Variants in CNTN5 observed in about 807,000 individuals in gnomAD.
CNTN5 encodes the protein contactin 5, also known as contactin-5.
A neutral mutation model predicts 129.1 loss-of-function variants in CNTN5; 77 were observed. The ratio of observed to expected loss-of-function variants is 0.60; its 90% CI spans 0.50 to 0.72. CNTN5 has a LOEUF of 0.72. Among genes scored for constraint, CNTN5 ranks in the 30% least tolerant of loss-of-function variants. The probability of loss-of-function intolerance (pLI) is 0.00; values close to 1 mark genes in which losing one functional copy is unlikely to be tolerated. For missense variants in CNTN5, 1,478 were observed against 1,328.8 expected (o/e 1.11, Z -1.75); for synonymous variants, 509 against 465.6 (o/e 1.09, Z -1.20).
intron 1 of CNTN5, among the ~76,000 whole-genome samples, chr11:99,100,835 C>T (rs1866696360): frequency 2.0e-5 from 3 of 151,906 alleles, no homozygotes; most frequent in Non-Finnish European, 4.4e-5. Context: ...AAATAAAATG[C>T]ACTTGGAGAT....
chr11:100,206,106 G>C (rs1342567987), intron 15 of CNTN5, among the ~76,000 whole-genome samples: 1 of 152,064 alleles, frequency 6.6e-6, no homozygotes, highest in African/African-American at 2.4e-5. Context: ...AAGGAAGTAT[G>C]TTCAGGAAGC....
chr11:99,158,803 A>G (rs1408243120), intron 1 of CNTN5, among the ~76,000 whole-genome samples: 2 of 152,188 alleles, frequency 1.3e-5, no homozygotes, highest in African/African-American at 2.4e-5. Context: ...TAATAATTAT[A>G]TCAAAGAAGC....
chr11:99,772,612 A>T (rs1188312970), intron 3 of CNTN5, among the ~76,000 whole-genome samples: 1 of 152,120 alleles, frequency 6.6e-6, no homozygotes, highest in Non-Finnish European at 1.5e-5. Flanking sequence ...GATTCTAACC[A>T]AATCTCAAGA....
At chr11:99,043,361 C>T (rs1255480336) in intron 1 of CNTN5, among the ~76,000 whole-genome samples, 1 of 145,864 alleles carries the variant, frequency 6.9e-6, no homozygotes. Flanking sequence ...GTGCAGCGCA[C>T]CAGCATGGCA....
chr11:99,362,688 T>A (rs1444328548), intron 2 of CNTN5, among the ~76,000 whole-genome samples: 2 of 151,558 alleles, frequency 1.3e-5, no homozygotes, highest in Non-Finnish European at 3.0e-5. Flanking sequence ...CATTTTTAGT[T>A]AATTTTTGCA....
At chr11:99,098,444 A>T (rs1212748782) in intron 1 of CNTN5, among the ~76,000 whole-genome samples, 1 of 151,986 alleles carries the variant, frequency 6.6e-6, no homozygotes, top group Non-Finnish European at 1.5e-5. Context: ...ATAGACCACA[A>T]CACTAGTGGC....
intron 16 of CNTN5, among the ~76,000 whole-genome samples, chr11:100,238,840 A>C (rs552279512): frequency 6.6e-6 from 1 of 152,208 alleles, no homozygotes; most frequent in Non-Finnish European, 1.5e-5. Context: ...ATTGACAGAA[A>C]TATCCAATAA....
intron 8 of CNTN5, among the ~76,000 whole-genome samples, chr11:99,972,270 GTAAA>G (rs910722084): frequency 6.6e-6 from 1 of 151,640 alleles, no homozygotes; most frequent in African/African-American, 2.4e-5. Flanking sequence ...CAAAAAATAA[GTAAA>G]TAAATAAATA....
chr11:99,261,457 G>A (rs1031485957), intron 1 of CNTN5, among the ~76,000 whole-genome samples: 3 of 151,948 alleles, frequency 2.0e-5, no homozygotes, highest in Non-Finnish European at 4.4e-5. Flanking sequence ...TATTCTGAAT[G>A]TGTTTTGTTT....
chr11:99,650,198 C>T (rs1290111698), intron 3 of CNTN5, among the ~76,000 whole-genome samples: 1 of 151,890 alleles, frequency 6.6e-6, no homozygotes, highest in African/African-American at 2.4e-5. Flanking sequence ...ATTGTAAAAA[C>T]TGTGATCTCA....
intron 1 of CNTN5, among the ~76,000 whole-genome samples, chr11:99,221,582 T>C (rs1293773815): frequency 6.6e-6 from 1 of 151,994 alleles, no homozygotes; most frequent in Non-Finnish European, 1.5e-5. Context: ...GATATGCCAC[T>C]TTTTAACTGT....
chr11:99,742,331 GAGTATATTCTAA>G lies in CNTN5; in HGVS notation c.56-77211_56-77200del, dbSNP rs1186532403. ...TTAAACAATTGTTTTGTAAATTCTAGAGTATATTCTAAATATGAGTTACATCAGATTGTACTT... is the reference window on the plus strand; with the variant it reads ...TTAAACAATTGTTTTGTAAATTCTAGATATGAGTTACATCAGATTGTACTT... On this transcript the variant is annotated intron_variant, in intron 3 of 24. Transcript: ENST00000524871. 4.0e-5 allele frequency among the ~76,000 whole-genome samples: 6 copies of G among 149,472 alleles called. No individual in the cohort carries two copies. In the South Asian group the frequency reaches 1.3e-3, roughly 32 times the overall value.
At position 100,159,878 on chromosome 11, in the gene CNTN5, A is replaced by G. The variant is rs563869458; in HGVS notation, c.1581-31248A>G. Among the ~76,000 whole-genome samples, 3 of 152,016 alleles carry G rather than the reference A, an allele frequency of 2.0e-5. No homozygotes were observed. In the East Asian group the frequency reaches 5.8e-4, roughly 30 times the overall value. ...CCCATGGGCCACTATTTCTTCAGGC[A>G]GTGTTTTTTTAAGTACTGTGAAGTG... On this transcript the variant is annotated intron_variant, in intron 13 of 24. Transcript: ENST00000524871.
chr11:99,057,747 A>C (rs945159825), intron 1 of CNTN5, among the ~76,000 whole-genome samples: 2 of 151,456 alleles, frequency 1.3e-5, no homozygotes, highest in Non-Finnish European at 2.9e-5. Flanking sequence ...TAGGGCTGTC[A>C]GTCATATATG....
At chr11:99,491,346 G>C (rs2726368) in intron 2 of CNTN5, among the ~76,000 whole-genome samples, 70,885 of 151,872 alleles carry the variant, frequency 0.47, 17,059 homozygotes, top group Middle Eastern at 0.6. Context: ...ATAGTAATAA[G>C]ATTGCTAACA....
At chr11:99,948,502 C>T (rs909263497) in intron 7 of CNTN5, among the ~76,000 whole-genome samples, 1 of 152,160 alleles carries the variant, frequency 6.6e-6, no homozygotes, top group South Asian at 2.1e-4. Context: ...TCTAATTAGT[C>T]ACTATTTCAA....
chr11:99,821,207 A>G (rs1348242705), intron 4 of CNTN5, among the ~76,000 whole-genome samples: 2 of 152,184 alleles, frequency 1.3e-5, no homozygotes, highest in African/African-American at 4.8e-5. Flanking sequence ...TCAGCCAACT[A>G]GTGTTCTGCC....
intron 13 of CNTN5, among the ~76,000 whole-genome samples, chr11:100,094,763 GGAAAGGAAGGAAGGAAGGAA>G (rs1944930808): frequency 1.1e-5 from 1 of 95,036 alleles, no homozygotes; most frequent in African/African-American, 4.2e-5. Context: ...GAGGGAGGGA[GGAAAGGAAGGAAGGAAGGAA>G]GGAAGGAAGG....
chr11:99,761,549 AATG>A (rs1693708048), intron 3 of CNTN5, among the ~76,000 whole-genome samples: 1 of 151,876 alleles, frequency 6.6e-6, no homozygotes, highest in African/African-American at 2.4e-5. Flanking sequence ...GTTTACTGAG[AATG>A]ATGATTTCCA....
Sources: gnomAD v4.1 joint callset for allele counts (sites outside exome capture counted in the v4.1 genomes callset) on GRCh38, gnomAD v4.1.1 for gene constraint, MANE v1.5 for transcripts, NCBI Gene and HGNC (gene_info 2026-07-23, HGNC 2026-07-21) for gene names.